RYR2: variants seen among roughly 807,000 people sequenced by gnomAD.
The protein encoded by RYR2 is cardiac muscle ryanodine receptor-calcium release channel.
In RYR2, 227 loss-of-function variants were observed where a neutral mutation model predicts 601.1. The observed-to-expected ratio is 0.38, with a 90% CI of 0.34 to 0.42. The LOEUF is 0.42. Ranked by LOEUF, RYR2 falls within the 10% of genes least tolerant of loss-of-function variation. The pLI, the probability that RYR2 is intolerant of heterozygous loss-of-function variation, is 1.00. For missense variants in RYR2, 4,646 were observed against 6,156.5 expected (o/e 0.75, Z 8.21); for synonymous variants, 2,223 against 2,175.1 (o/e 1.02, Z -0.61).
At chr1:237,802,691 A>G (rs1660114741) in intron 98 of RYR2, among the ~76,000 whole-genome samples, 1 of 152,248 alleles carries the variant, frequency 6.6e-6, no homozygotes, top group South Asian at 2.1e-4. Flanking sequence ...CTGAATAACA[A>G]GAGGGCAACC....
chr1:237,295,694 A>C (rs1308102432), intron 2 of RYR2, among the ~76,000 whole-genome samples: 1 of 152,222 alleles, frequency 6.6e-6, no homozygotes, highest in Non-Finnish European at 1.5e-5. Flanking sequence ...GTCTAAAATG[A>C]ATAGATGTAA....
At chr1:237,274,283 G>C (rs1411834152) in intron 2 of RYR2, among the ~76,000 whole-genome samples, 1 of 151,174 alleles carries the variant, frequency 6.6e-6, no homozygotes, top group Non-Finnish European at 1.5e-5. Flanking sequence ...ATATGACAGT[G>C]GTCCCATAAG....
intron 71 of RYR2, among the ~76,000 whole-genome samples, chr1:237,714,728 C>T (rs891997607): frequency 6.6e-6 from 1 of 151,892 alleles, no homozygotes; most frequent in Non-Finnish European, 1.5e-5. Flanking sequence ...CGGTGGCTCA[C>T]GCCTGTAATC....
At chr1:237,070,234 T>G (rs1391681584) in intron 1 of RYR2, among the ~76,000 whole-genome samples, 25 of 151,994 alleles carry the variant, frequency 1.6e-4, no homozygotes, top group Admixed American at 1.6e-3. Context: ...TTATGATTTT[T>G]TCTTGCAGGC....
At chr1:237,557,503 G>A (rs1241792987) in intron 27 of RYR2, among the ~76,000 whole-genome samples, 1 of 152,018 alleles carries the variant, frequency 6.6e-6, no homozygotes, top group East Asian at 1.9e-4. Context: ...ACGACCAGAT[G>A]TAGAGTGGAG....
chr1:237,680,313 G>C, intron 61 of RYR2, 143 bp from the exon 62 acceptor site: 2 of 572,690 alleles, frequency 3.5e-6, no homozygotes, highest in Non-Finnish European at 6.1e-6. Flanking sequence ...AGATTTAAGA[G>C]AGGCATACTA....
chr1:237,717,529 T>C (rs1191857220), intron 72 of RYR2, among the ~76,000 whole-genome samples, 161 bp downstream of exon 72: 2 of 152,198 alleles, frequency 1.3e-5, no homozygotes, highest in Non-Finnish European at 2.9e-5. Flanking sequence ...TAAAGACTGC[T>C]CTTTTTTTGA....
chr1:237,764,001 G>A (rs1238022551), intron 84 of RYR2, among the ~76,000 whole-genome samples: 1 of 152,224 alleles, frequency 6.6e-6, no homozygotes, highest in Non-Finnish European at 1.5e-5. Flanking sequence ...TTGAGGCTCA[G>A]AGAGCATGGG....
At chr1:237,158,587 A>G (rs762623346) in intron 1 of RYR2, among the ~76,000 whole-genome samples, 8 of 152,140 alleles carry the variant, frequency 5.3e-5, no homozygotes, top group Non-Finnish European at 1.0e-4. Flanking sequence ...CTTAAAAATG[A>G]TTGGATCCCA....
chr1:237,381,194 G>A (rs1701483390), intron 8 of RYR2, among the ~76,000 whole-genome samples: 1 of 131,930 alleles, frequency 7.6e-6, no homozygotes, highest in Non-Finnish European at 1.5e-5. Flanking sequence ...GCAATGAGCC[G>A]ATATTGTGCC....
intron 7 of RYR2, among the ~76,000 whole-genome samples, chr1:237,375,927 C>G (rs1215522962): frequency 2.0e-5 from 3 of 152,172 alleles, no homozygotes; most frequent in Non-Finnish European, 2.9e-5. Context: ...TCCCTGCGTC[C>G]TGATTTCCTT....
chr1:237,198,703 G>A (rs1680842557), intron 1 of RYR2, among the ~76,000 whole-genome samples: 1 of 151,776 alleles, frequency 6.6e-6, no homozygotes, highest in African/African-American at 2.4e-5. Flanking sequence ...TCTTCCCATT[G>A]GATTCAGCAA....
chr1:237,197,783 G>A (rs1472236872), intron 1 of RYR2, among the ~76,000 whole-genome samples: 3 of 152,228 alleles, frequency 2.0e-5, no homozygotes, highest in Non-Finnish European at 4.4e-5. Flanking sequence ...ATTTTTAATA[G>A]CAGCTGTTGG....
intron 2 of RYR2, among the ~76,000 whole-genome samples, chr1:237,322,271 CTTAT>C (rs1695696329): frequency 6.6e-6 from 1 of 152,188 alleles, no homozygotes; most frequent in Non-Finnish European, 1.5e-5. Flanking sequence ...AAGACATCAT[CTTAT>C]CACCTACACA....
intron 2 of RYR2, among the ~76,000 whole-genome samples, chr1:237,316,264 T>C (rs1384688345): frequency 1.3e-5 from 2 of 152,182 alleles, no homozygotes; most frequent in African/African-American, 4.8e-5. Context: ...ATTAAAAATA[T>C]ATATGAATAT....
chr1:237,483,604 C>G (rs1415714515), intron 17 of RYR2, among the ~76,000 whole-genome samples: 1 of 152,192 alleles, frequency 6.6e-6, no homozygotes, highest in East Asian at 1.9e-4. Flanking sequence ...AATACCAAGA[C>G]TGCCAATCAG....
chr1:237,318,995 A>AT (rs1306083993), intron 2 of RYR2, among the ~76,000 whole-genome samples: 1 of 151,572 alleles, frequency 6.6e-6, no homozygotes, highest in Admixed American at 6.6e-5. Context: ...GGCTCTGTGC[A>AT]TTTTTTTGTC....
rs1388856699 is a variant in RYR2 at position 237,709,092 on chromosome 1, A to G, written c.10136A>G (p.Tyr3379Cys). The G allele has an allele frequency of 6.4e-7, 1 of 1,567,228 alleles. No individual in the cohort carries two copies. Among genetic ancestry groups the G allele is most frequent in the Non-Finnish European group, 8.6e-7 (1 of 1,158,346 alleles). ...FYPLLIRFVD[Y>C]NRAKWLKEPN... ...CCTCTCTTGATTAGATTTGTGGACTATAACAGGTATGATCAAAAGTAATTT... is the reference window on the plus strand; with the variant it reads ...CCTCTCTTGATTAGATTTGTGGACTGTAACAGGTATGATCAAAAGTAATTT... Residue 3379 changes from tyrosine (Y) to cysteine (C), a missense_variant, in exon 69 of 105, where the codon TAT (tyrosine) becomes TGT (cysteine). By Grantham distance (194) the Tyr-to-Cys change is radical. Coordinates refer to ENST00000366574, the MANE Select transcript of RYR2 (RefSeq NM_001035.3).
chr1:237,477,826 A>G (rs1364076497), intron 17 of RYR2, among the ~76,000 whole-genome samples: 1 of 152,134 alleles, frequency 6.6e-6, no homozygotes, highest in Non-Finnish European at 1.5e-5. Context: ...TTAAAGTGGG[A>G]GCATATGAAC....
Sources: gnomAD v4.1 joint callset for allele counts (sites outside exome capture counted in the v4.1 genomes callset) on GRCh38, gnomAD v4.1.1 for gene constraint, MANE v1.5 for transcripts, NCBI Gene and HGNC (gene_info 2026-07-23, HGNC 2026-07-21) for gene names.